Variants in DNAH6 observed in about 807,000 individuals in gnomAD.
DNAH6 encodes axonemal beta dynein heavy chain 6.
Under a neutral mutation model 491.4 loss-of-function variants are expected in DNAH6, and 340 were observed. The observed-to-expected ratio is 0.69, with a 90% CI of 0.63 to 0.76. DNAH6 has a LOEUF of 0.76. Among genes scored for constraint, DNAH6 ranks in the 30% least tolerant of loss-of-function variants. The probability of loss-of-function intolerance (pLI) is 0.00; values close to 1 mark genes in which losing one functional copy is unlikely to be tolerated. For synonymous variants in DNAH6, 1,603 were observed against 1,686.1 expected (o/e 0.95, Z 1.21); for missense variants, 4,443 against 4,972.2 (o/e 0.89, Z 3.20).
At chr2:84,767,012 T>A (rs947026135) in intron 64 of DNAH6, among the ~76,000 whole-genome samples, 1 of 152,060 alleles carries the variant, frequency 6.6e-6, no homozygotes, top group Non-Finnish European at 1.5e-5. Context: ...AAATCTTATC[T>A]GGGGGAACAG....
At chr2:84,568,368 AC>A (rs1681435292) in intron 11 of DNAH6, among the ~76,000 whole-genome samples, 1 of 152,184 alleles carries the variant, frequency 6.6e-6, no homozygotes. Flanking sequence ...ATATATATAT[AC>A]CGTGGAATAC....
In DNAH6 at chr2:84,817,606, T is replaced by TAA. The variant is rs879747676; in HGVS notation, c.12373+1534_12373+1535dup. Among the ~76,000 whole-genome samples, 623 of 146,076 alleles carry TAA rather than the reference T, an allele frequency of 4.3e-3. 3 individuals are homozygous for TAA. Among genetic ancestry groups the TAA allele is most frequent in the African/African-American group, 0.015 (583 of 40,084 alleles). On this transcript the variant is annotated intron_variant, in intron 76 of 76. Transcript: ENST00000389394. The stretch of plus-strand genomic sequence containing the variant: ...AACATAGTGAAACCCCCATCTCAAT[T>TAA]AAAAAAAAAAAATCCAACTGTCTTT...
chr2:84,506,863 G>T, the DNAH6 span, among the ~76,000 whole-genome samples: 72 of 152,050 alleles, frequency 4.7e-4, no homozygotes, highest in Non-Finnish European at 6.5e-4. Context: ...GTTTGTCAAA[G>T]ATCAGATAGT....
intron 62 of DNAH6, among the ~76,000 whole-genome samples, chr2:84,734,878 T>C (rs1012836167): frequency 6.6e-5 from 10 of 152,224 alleles, no homozygotes; most frequent in Admixed American, 5.9e-4. Flanking sequence ...CTTTTTGCCT[T>C]AAATATATTT....
intron 3 of DNAH6, among the ~76,000 whole-genome samples, chr2:84,527,771 A>T (rs1676740824): frequency 6.6e-6 from 1 of 152,214 alleles, no homozygotes; most frequent in Non-Finnish European, 1.5e-5. Flanking sequence ...ATATTTAATC[A>T]GAGTTGGGGT....
At chr2:84,601,027 G>GTTATTATTATACTATAATAATAATT (rs1685175055) in intron 18 of DNAH6, among the ~76,000 whole-genome samples, 1 of 142,984 alleles carries the variant, frequency 7.0e-6, no homozygotes, top group African/African-American at 2.7e-5. Flanking sequence ...TAATAATAAT[G>GTTATTATTATACTATAATAATAATT]TTATTATTAT....
Position 84,701,316 on chromosome 2 carries a change from GA to G in DNAH6, c.8044del (p.Arg2682GlyfsTer11). On this transcript the variant is annotated frameshift_variant, in exon 49 of 77. Transcript: ENST00000389394. LOFTEE classifies it high-confidence loss of function. The part of the protein sequence containing the change: ...LINLYLSMLS[E>X]KRKQIISARD... ...CAATCTTTACCTGTCTATGCTGTCT[GA>G]AAAAAGGAAGCAGATTATTTCAGTA... 6.5e-7 allele frequency: 1 copy of G among 1,545,796 alleles called. No individual in the cohort carries two copies. The highest frequency in any genetic ancestry group is 1.2e-5 in the South Asian group (1 of 82,952).
intron 56 of DNAH6, among the ~76,000 whole-genome samples, chr2:84,712,797 A>T (rs977198858): frequency 6.6e-5 from 10 of 152,214 alleles, no homozygotes; most frequent in Non-Finnish European, 1.3e-4. Flanking sequence ...AGTCCAACCC[A>T]CAATGACTTA....
intron 63 of DNAH6, among the ~76,000 whole-genome samples, chr2:84,754,798 G>T (rs1456471594): frequency 6.6e-6 from 1 of 152,154 alleles, no homozygotes; most frequent in Non-Finnish European, 1.5e-5. Flanking sequence ...GTTTTACAAT[G>T]AGCTTGTCAG....
intron 21 of DNAH6, among the ~76,000 whole-genome samples, chr2:84,611,048 C>T (rs1176568728): frequency 2.0e-5 from 3 of 152,132 alleles, no homozygotes; most frequent in Non-Finnish European, 4.4e-5. Context: ...GGATTTTGGG[C>T]ACACACATGC....
At chr2:84,654,932 CGTCCAGGAAT>C (rs1690798767) in intron 35 of DNAH6, 150 bp downstream of exon 35, 1 of 871,328 alleles carries the variant, frequency 1.1e-6, no homozygotes, top group Admixed American at 2.8e-5. Flanking sequence ...TTCCTGGAAT[CGTCCAGGAAT>C]GTTTATATAC....
chr2:84,545,210 A>T (rs970365546), intron 5 of DNAH6, among the ~76,000 whole-genome samples: 12 of 152,138 alleles, frequency 7.9e-5, no homozygotes, highest in African/African-American at 2.4e-4. Flanking sequence ...GCATATGATA[A>T]TATGAAAGAC....
At chr2:84,790,888 C>G (rs1006369444) in intron 68 of DNAH6, among the ~76,000 whole-genome samples, 1 of 152,104 alleles carries the variant, frequency 6.6e-6, no homozygotes, top group African/African-American at 2.4e-5. Context: ...AAACATATGT[C>G]CTCACAAAAA....
chr2:84,652,855 A>G (rs1374854427), intron 33 of DNAH6, among the ~76,000 whole-genome samples: 1 of 151,946 alleles, frequency 6.6e-6, no homozygotes, highest in Non-Finnish European at 1.5e-5. Flanking sequence ...ATTTTTCTGA[A>G]TAGCCACATA....
chr2:84,561,501 A>G (rs1340322240), intron 11 of DNAH6, among the ~76,000 whole-genome samples: 8 of 152,216 alleles, frequency 5.3e-5, no homozygotes, highest in African/African-American at 9.7e-5. Context: ...TGTCTAAAAC[A>G]CCAAAAGCAA....
the DNAH6 span, among the ~76,000 whole-genome samples, chr2:84,493,297 T>G: frequency 6.6e-6 from 1 of 152,088 alleles, no homozygotes; most frequent in African/African-American, 2.4e-5. Context: ...AATGAAATAA[T>G]GTATAATATT....
At chr2:84,688,693 A>G (rs1694541862) in intron 45 of DNAH6, 100 bp downstream of exon 45, 1 of 937,266 alleles carries the variant, frequency 1.1e-6, no homozygotes, top group Non-Finnish European at 1.5e-6. Flanking sequence ...AGATTGCTAG[A>G]TGGTCAGAGG....
chr2:84,542,062 G>A (rs567585735), intron 4 of DNAH6, among the ~76,000 whole-genome samples: 2 of 152,252 alleles, frequency 1.3e-5, no homozygotes, highest in East Asian at 3.9e-4. Context: ...GCGATAAGAA[G>A]AGAAATACAA....
intron 37 of DNAH6, among the ~76,000 whole-genome samples, chr2:84,662,233 C>T (rs1317877354): frequency 2.0e-5 from 3 of 152,206 alleles, no homozygotes; most frequent in Middle Eastern, 3.4e-3. Flanking sequence ...TCTGCATTTC[C>T]AACTGAGGTA....
Sources: allele counts gnomAD v4.1 joint callset (sites outside exome capture counted in the v4.1 genomes callset), GRCh38; gene constraint gnomAD v4.1.1; transcripts MANE v1.5; gene names NCBI Gene and HGNC (gene_info 2026-07-23, HGNC 2026-07-21).